Variants in XXYLT1 observed in about 807,000 individuals in gnomAD.
The protein encoded by XXYLT1 is UDP-xylose:alpha-xyloside alpha-1,3-xylosyltransferase.
Under a neutral mutation model 28.9 loss-of-function variants are expected in XXYLT1, and 20 were observed. The ratio of observed to expected loss-of-function variants is 0.69; its 90% CI spans 0.49 to 1.00. The LOEUF (loss-of-function observed/expected upper bound fraction) is 1.00. Ranked by LOEUF, XXYLT1 falls within the 50% of genes least tolerant of loss-of-function variation. XXYLT1 has a pLI of 0.00. For missense variants in XXYLT1, 542 were observed against 560.1 expected (o/e 0.97, Z 0.33); for synonymous variants, 257 against 253.8 (o/e 1.01, Z -0.12).
chr3:195,214,678 T>C (rs1279036965), intron 2 of XXYLT1: 1 of 152,046 alleles, frequency 6.6e-6, no homozygotes, highest in Non-Finnish European at 1.5e-5. Flanking sequence ...GAATCTCCAA[T>C]CCTTATCCAC....
intron 3 of XXYLT1, among the ~76,000 whole-genome samples, chr3:195,145,364 G>A (rs966420572): frequency 2.0e-5 from 3 of 147,682 alleles, no homozygotes; most frequent in South Asian, 2.2e-4. Flanking sequence ...ATCACTCCAC[G>A]GTGACTGGCA....
At chr3:195,248,158 C>T (rs1725109675) in intron 1 of XXYLT1, among the ~76,000 whole-genome samples, 1 of 151,868 alleles carries the variant, frequency 6.6e-6, no homozygotes, top group Admixed American at 6.5e-5. Flanking sequence ...TGTGGGCACA[C>T]GGACCAACCA....
chr3:195,203,939 T>C (rs1722956338), intron 2 of XXYLT1, among the ~76,000 whole-genome samples: 1 of 152,182 alleles, frequency 6.6e-6, no homozygotes. Context: ...ACTGAGGAAA[T>C]GACGGTCATG....
In XXYLT1 at chr3:195,270,858, C is replaced by T. The variant is rs1048094316; in HGVS notation, c.201G>A (p.Ser67=). 2 of 1,399,382 alleles carry T rather than the reference C, an allele frequency of 1.4e-6. No homozygotes were observed. The highest frequency in any genetic ancestry group is 1.9e-6 in the Non-Finnish European group (2 of 1,080,300). The allele number at this position is 1,399,382 out of a possible 1,614,324, so 86.7% of individuals were successfully genotyped here. ...CCCGCGCTAGCTCCAGCGCGGGCGG[C>T]GAGGGCGCGGCGGGAGCCCCGGCGC... is the stretch of plus-strand genomic sequence containing the variant. The part of the protein sequence containing the change: ...EARAGAPAAP[S]PPALELARGS... The change falls in exon 1 of 4, where the codon TCG becomes TCA. Residue 67 remains serine, a synonymous_variant. Transcript: ENST00000310380.
intron 2 of XXYLT1, among the ~76,000 whole-genome samples, chr3:195,199,795 G>A (rs1307973714): frequency 6.6e-6 from 1 of 152,106 alleles, no homozygotes; most frequent in Non-Finnish European, 1.5e-5. Flanking sequence ...CCTTAGATAA[G>A]TCCTTTCCCT....
rs1011652850 is a variant in XXYLT1, at chr3:195,150,467, G to A, written c.785+5982C>T. Among the ~76,000 whole-genome samples, 6 of 152,342 alleles carry A rather than the reference G, an allele frequency of 3.9e-5. No homozygotes were observed. Among genetic ancestry groups the A allele is most frequent in the Admixed American group, 1.3e-4 (2 of 15,312 alleles). On this transcript the variant is annotated intron_variant, in intron 3 of 3. Coordinates refer to ENST00000310380, the MANE Select transcript of XXYLT1 (RefSeq NM_152531.5). The surrounding 1 kb of genome is among the most constrained non-coding windows in gnomAD (Gnocchi z 4.7). ...TCCTTCCGAGCGTCTGGAAGAACCC[G>A]AGGCTGGCACAGCACCATCAGCAAA...
intron 3 of XXYLT1, among the ~76,000 whole-genome samples, chr3:195,126,585 C>T (rs191759731): frequency 5.3e-5 from 8 of 152,274 alleles, no homozygotes; most frequent in East Asian, 1.9e-4. Flanking sequence ...AAAACCCAAC[C>T]GGGCATAAAG....
chr3:195,081,800 C>G (rs1715447865), intron 3 of XXYLT1, among the ~76,000 whole-genome samples: 1 of 152,256 alleles, frequency 6.6e-6, no homozygotes, highest in Non-Finnish European at 1.5e-5. Context: ...ACCAGCCTCC[C>G]CTGTGGTCTG....
At position 195,121,940 on chromosome 3, in the gene XXYLT1, C is replaced by T. The variant is rs549771374; in HGVS notation, c.785+34509G>A. 26 of 669,346 alleles carry T rather than the reference C, an allele frequency of 3.9e-5. No individual in the cohort carries two copies. The African/African-American group carries it at 4.2e-4, about 11-fold the overall frequency. The allele number at this position is 669,346 out of a possible 1,614,324, so 41.5% of individuals were successfully genotyped here. A position where few individuals can be genotyped will look rare whatever the true frequency, so the allele number is the denominator to read the frequency against. ...CCCAGCCTGGACCCTACATTGTCATCCTCCATTCCTCTTGTCTTAGTTCAA... is the reference window on the plus strand; with the variant it reads ...CCCAGCCTGGACCCTACATTGTCATTCTCCATTCCTCTTGTCTTAGTTCAA... On this transcript the variant is annotated intron_variant, in intron 3 of 3. Coordinates refer to ENST00000310380, the MANE Select transcript of XXYLT1 (RefSeq NM_152531.5).
intron 2 of XXYLT1, among the ~76,000 whole-genome samples, chr3:195,207,671 CA>C (rs1252724110): frequency 6.6e-6 from 1 of 152,108 alleles, no homozygotes; most frequent in Non-Finnish European, 1.5e-5. Context: ...TTAGCAGCTG[CA>C]AACAACAAAT....
chr3:195,086,558 C>T (rs76162785), intron 3 of XXYLT1, among the ~76,000 whole-genome samples: 7,892 of 152,030 alleles, frequency 0.052, 276 homozygotes, highest in East Asian at 0.12. Flanking sequence ...TGAGCCAGGG[C>T]CAGTTTAGGA....
At chr3:195,144,316 AT>A (rs1426864933) in intron 3 of XXYLT1, among the ~76,000 whole-genome samples, 23 of 151,990 alleles carry the variant, frequency 1.5e-4, no homozygotes, top group Non-Finnish European at 2.5e-4. Context: ...CCTGGGGTTG[AT>A]TTGTGGGTTT....
At chr3:195,117,261 G>C (rs1439430730) in intron 3 of XXYLT1, among the ~76,000 whole-genome samples, 1 of 152,108 alleles carries the variant, frequency 6.6e-6, no homozygotes, top group African/African-American at 2.4e-5. Context: ...GTTTGTGGAA[G>C]CATTATTTAT....
At chr3:195,214,330 G>A (rs965411765) in intron 2 of XXYLT1, among the ~76,000 whole-genome samples, 5 of 152,058 alleles carry the variant, frequency 3.3e-5, no homozygotes, top group Non-Finnish European at 5.9e-5. Context: ...CAGAATCAGG[G>A]AGGGAGGAGG....
chr3:195,170,340 T>C (rs1302551157), intron 2 of XXYLT1, among the ~76,000 whole-genome samples: 5 of 152,202 alleles, frequency 3.3e-5, no homozygotes, highest in East Asian at 1.9e-4. Flanking sequence ...AAAACACCCA[T>C]CTTTTAGTCA....
chr3:195,174,367 C>A (rs1721555291), intron 2 of XXYLT1, among the ~76,000 whole-genome samples: 1 of 152,096 alleles, frequency 6.6e-6, no homozygotes, highest in African/African-American at 2.4e-5. Flanking sequence ...GAGATAGGGT[C>A]TCCCTTGGTC....
At chr3:195,185,131 AAGGAAGGAAGGAAG>A (rs1424973518) in intron 2 of XXYLT1, among the ~76,000 whole-genome samples, 6 of 149,922 alleles carry the variant, frequency 4.0e-5, no homozygotes. Flanking sequence ...GGAAGGAAGG[AAGGAAGGAAGGAAG>A]GAAGGAAAAA....
intron 3 of XXYLT1, among the ~76,000 whole-genome samples, chr3:195,151,056 G>A (rs1311992993): frequency 1.3e-5 from 2 of 151,964 alleles, no homozygotes; most frequent in Non-Finnish European, 2.9e-5. Context: ...CAGAGACCTT[G>A]AGGGCTGCCT....
chr3:195,110,869 G>GGTGTATGT (rs1183661280), intron 3 of XXYLT1, among the ~76,000 whole-genome samples: 13 of 129,316 alleles, frequency 1.0e-4, no homozygotes, highest in Non-Finnish European at 1.8e-4. Flanking sequence ...GTGTGTGTGT[G>GGTGTATGT]GTGTGTGGTG....
Sources: allele counts gnomAD v4.1 joint callset (sites outside exome capture counted in the v4.1 genomes callset), GRCh38; gene constraint gnomAD v4.1.1; non-coding constraint Gnocchi (gnomAD v3.1); transcripts MANE v1.5; gene names NCBI Gene and HGNC (gene_info 2026-07-23, HGNC 2026-07-21).